Variants in XKR6 observed in about 807,000 individuals in gnomAD.
The protein encoded by XKR6 is XK-related protein 6.
Under a neutral mutation model 56.7 loss-of-function variants are expected in XKR6, and 22 were observed. The ratio of observed to expected loss-of-function variants is 0.39; its 90% CI spans 0.28 to 0.55. The LOEUF is 0.55. XKR6 is among the 20% of genes least tolerant of loss of function. The pLI, the probability that XKR6 is intolerant of heterozygous loss-of-function variation, is 0.66. For missense variants in XKR6, 852 were observed against 889.0 expected, an observed-to-expected ratio of 0.96 and a Z score of 0.53; for synonymous variants, 524 against 387.8, an observed-to-expected ratio of 1.35 and a Z score of -4.13.
chr8:11,135,841 G>A (rs1800361002), intron 1 of XKR6, among the ~76,000 whole-genome samples: 1 of 145,156 alleles, frequency 6.9e-6, no homozygotes, highest in East Asian at 2.1e-4. Context: ...AAGGAAGGAA[G>A]ACTAAACAAG....
intron 1 of XKR6, among the ~76,000 whole-genome samples, chr8:11,020,509 G>A (rs1351776287): frequency 6.6e-6 from 1 of 152,190 alleles, no homozygotes; most frequent in Non-Finnish European, 1.5e-5. Flanking sequence ...AGAACCCATC[G>A]AGGAAAGAAA....
chr8:11,149,176 C>G (rs556558845), intron 1 of XKR6, among the ~76,000 whole-genome samples: 34 of 152,292 alleles, frequency 2.2e-4, no homozygotes, highest in Admixed American at 1.1e-3. Context: ...GATGGGAAAA[C>G]ATTCCGAGAA....
chr8:10,903,417 G>A (rs1031224065), intron 2 of XKR6, among the ~76,000 whole-genome samples: 1 of 152,098 alleles, frequency 6.6e-6, no homozygotes, highest in Non-Finnish European at 1.5e-5. Flanking sequence ...TGTGCACCTG[G>A]TTGTCCCGGA....
intron 2 of XKR6, among the ~76,000 whole-genome samples, chr8:10,904,897 C>T (rs1434533288): frequency 6.6e-6 from 1 of 152,206 alleles, no homozygotes; most frequent in East Asian, 1.9e-4. Flanking sequence ...CCCTGCCTCA[C>T]CCTCTCTCTG....
chr8:11,041,097 T>A (rs1053373155), intron 1 of XKR6, among the ~76,000 whole-genome samples: 1 of 151,966 alleles, frequency 6.6e-6, no homozygotes, highest in Non-Finnish European at 1.5e-5. Flanking sequence ...GCCACCCCCA[T>A]CAGGATCAGA....
chr8:11,121,890 G>A lies in XKR6; in HGVS notation c.764+78686C>T, dbSNP rs547102761. Among the ~76,000 whole-genome samples the A allele has an allele frequency of 7.6e-4, 115 of 152,242 alleles. 2 individuals carry two copies. The highest frequency in any genetic ancestry group is 3.4e-3 in the Middle Eastern group (1 of 294). On this transcript the variant is annotated intron_variant, in intron 1 of 2. Transcript: ENST00000416569. ...ATGAGTTCATGTCCTTTGTAGGGAC[G>A]TGGATGAAGCTGGAAACCATCATTC...
intron 1 of XKR6, among the ~76,000 whole-genome samples, chr8:11,033,004 G>A (rs199692512): frequency 1.3e-5 from 2 of 152,248 alleles, no homozygotes; most frequent in African/African-American, 2.4e-5. Context: ...TGATGAAAAC[G>A]ATGATCAGGA....
At chr8:10,937,072 C>G in intron 1 of XKR6, among the ~76,000 whole-genome samples, 3 of 98,764 alleles carry the variant, frequency 3.0e-5, no homozygotes, top group East Asian at 2.7e-4. Flanking sequence ...TCACATAGTC[C>G]CATATTTCTT....
intron 1 of XKR6, among the ~76,000 whole-genome samples, chr8:11,037,501 AG>A (rs1799175539): frequency 1.3e-5 from 2 of 152,230 alleles, no homozygotes; most frequent in African/African-American, 2.4e-5. Context: ...CCGGGATTAC[AG>A]GCATGAGCCA....
intron 1 of XKR6, among the ~76,000 whole-genome samples, chr8:11,013,231 T>A (rs1332154023): frequency 6.6e-5 from 10 of 152,286 alleles, no homozygotes; most frequent in African/African-American, 7.2e-5. Context: ...CTTGGACAGG[T>A]TGAAGGACTT....
Position 10,905,555 on chromosome 8 carries a change from C to G in XKR6, c.962-6639G>C, listed in dbSNP as rs184511119. 1.5e-4 allele frequency among the ~76,000 whole-genome samples: 23 copies of G among 152,268 alleles called. No individual in the cohort carries two copies. In the East Asian group the frequency reaches 4.2e-3, roughly 28 times the overall value. On this transcript the variant is annotated intron_variant, in intron 2 of 2. Coordinates refer to ENST00000416569, the MANE Select transcript of XKR6 (RefSeq NM_173683.4). ...CACCTAACTTGTATGGCATTGTACC[C>G]CAGTAGGCTGGGCCTCTAGAGATGC... is the stretch of plus-strand genomic sequence containing the variant.
chr8:11,178,114 G>A (rs1585022327), intron 1 of XKR6, among the ~76,000 whole-genome samples: 1 of 152,254 alleles, frequency 6.6e-6, no homozygotes, highest in Non-Finnish European at 1.5e-5. Flanking sequence ...AGGCAGAAGA[G>A]GCACGAAACC....
intron 1 of XKR6, among the ~76,000 whole-genome samples, chr8:11,087,792 G>A (rs569847202): frequency 7.2e-5 from 11 of 152,280 alleles, no homozygotes; most frequent in African/African-American, 2.4e-4. Context: ...GATCTCACAC[G>A]CAAAGGTCAT....
chr8:11,116,334 G>C (rs559501094), intron 1 of XKR6, among the ~76,000 whole-genome samples: 1 of 152,170 alleles, frequency 6.6e-6, no homozygotes, highest in African/African-American at 2.4e-5. Context: ...TCAACACAGA[G>C]AACCTGTCGG....
At chr8:11,056,319 G>A (rs370305832) in intron 1 of XKR6, among the ~76,000 whole-genome samples, 4 of 152,226 alleles carry the variant, frequency 2.6e-5, no homozygotes, top group African/African-American at 9.6e-5. Context: ...TTTCCCACAA[G>A]TGCCTTCCTT....
chr8:10,979,078 T>C (rs1003852059), intron 1 of XKR6, among the ~76,000 whole-genome samples: 1 of 151,996 alleles, frequency 6.6e-6, no homozygotes, highest in African/African-American at 2.4e-5. Context: ...CCCAATCCCA[T>C]CTTCAATGTC....
At chr8:11,059,508 G>C (rs1479009938) in intron 1 of XKR6, among the ~76,000 whole-genome samples, 1 of 152,054 alleles carries the variant, frequency 6.6e-6, no homozygotes, top group East Asian at 1.9e-4. Flanking sequence ...TCTGCTGCGC[G>C]GGCGGCGCCG....
intron 1 of XKR6, among the ~76,000 whole-genome samples, chr8:11,029,807 T>A (rs1324218816): frequency 1.3e-5 from 2 of 152,062 alleles, no homozygotes; most frequent in African/African-American, 2.4e-5. Flanking sequence ...CCTCTCTTAT[T>A]CTAATTTTCA....
At position 11,125,045 on chromosome 8, in the gene XKR6, C is replaced by T. The variant is rs564855478; in HGVS notation, c.764+75531G>A. Among the ~76,000 whole-genome samples the T allele has an allele frequency of 6.8e-5, 10 of 147,658 alleles. No homozygotes were observed. The South Asian group carries it at 1.3e-3, about 19-fold the overall frequency. On this transcript the variant is annotated intron_variant, in intron 1 of 2. Transcript: ENST00000416569. ...TGGAGCTTGCAGTGAGCCGAGATCA[C>T]GCCACTGCACTCCAGCATGGGCAAC...
Sources: allele counts gnomAD v4.1 joint callset (sites outside exome capture counted in the v4.1 genomes callset), GRCh38; gene constraint gnomAD v4.1.1; transcripts MANE v1.5; gene names NCBI Gene and HGNC (gene_info 2026-07-23, HGNC 2026-07-21).